Variants in AHI1 observed in about 807,000 individuals in gnomAD.
AHI1 encodes the protein Abelson helper integration site 1.
In AHI1, 123 loss-of-function variants were observed where a neutral mutation model predicts 149.3. That is an observed-to-expected ratio of 0.82 (90% confidence interval 0.71 to 0.96). AHI1 has a LOEUF of 0.96. AHI1 is among the 40% of genes least tolerant of loss of function. The pLI, the probability that AHI1 is intolerant of heterozygous loss-of-function variation, is 0.00. For missense variants in AHI1, 1,439 were observed against 1,422.7 expected (o/e 1.01, Z -0.18); for synonymous variants, 475 against 459.8 (o/e 1.03, Z -0.42).
chr6:135,470,680 C>T (rs919422573), intron 5 of AHI1, among the ~76,000 whole-genome samples: 2 of 151,642 alleles, frequency 1.3e-5, no homozygotes, highest in Admixed American at 6.6e-5. Flanking sequence ...ATGGATAAAA[C>T]GCAGGAACAG....
intron 23 of AHI1, among the ~76,000 whole-genome samples, chr6:135,385,552 T>A (rs568656522): frequency 1.3e-5 from 2 of 152,194 alleles, no homozygotes; most frequent in South Asian, 4.2e-4. Context: ...AGATTAGAGA[T>A]TTCAACAAAT....
At chr6:135,491,277 A>T (rs1018884745) in intron 4 of AHI1, among the ~76,000 whole-genome samples, 4 of 152,220 alleles carry the variant, frequency 2.6e-5, no homozygotes, top group African/African-American at 7.2e-5. Context: ...TATATGCCCT[A>T]CAGGGCTCCA....
intron 5 of AHI1, among the ~76,000 whole-genome samples, chr6:135,479,657 T>G (rs1483299172): frequency 1.3e-5 from 2 of 152,186 alleles, no homozygotes; most frequent in Non-Finnish European, 1.5e-5. Context: ...CTGTGGAATT[T>G]CGGGTTCATG....
At chr6:135,446,571 A>G (rs1164279096) in intron 13 of AHI1, among the ~76,000 whole-genome samples, 1 of 152,232 alleles carries the variant, frequency 6.6e-6, no homozygotes, top group Non-Finnish European at 1.5e-5. Context: ...TGCCCTTATA[A>G]GAAAAGACGC....
intron 24 of AHI1, among the ~76,000 whole-genome samples, chr6:135,323,844 A>C (rs1426722392): frequency 6.6e-6 from 1 of 152,208 alleles, no homozygotes; most frequent in East Asian, 1.9e-4. Context: ...GTTTTATATC[A>C]ACAACTTAAG....
At chr6:135,446,145 C>T (rs1232310171) in intron 13 of AHI1, among the ~76,000 whole-genome samples, 1 of 152,068 alleles carries the variant, frequency 6.6e-6, no homozygotes, top group African/African-American at 2.4e-5. Context: ...TGAATTGTGT[C>T]CTCTCTCCTC....
chr6:135,375,915 G>A (rs1165830392), intron 23 of AHI1, among the ~76,000 whole-genome samples: 1 of 152,058 alleles, frequency 6.6e-6, no homozygotes, highest in Non-Finnish European at 1.5e-5. Flanking sequence ...GACATTATAA[G>A]CACAGAAGTG....
intron 24 of AHI1, 130 bp downstream of exon 24, chr6:135,358,002 A>T: frequency 1.4e-6 from 1 of 725,154 alleles, no homozygotes; most frequent in East Asian, 2.7e-5. Flanking sequence ...ATTAATATGA[A>T]CAAATCTTGC....
intron 23 of AHI1, among the ~76,000 whole-genome samples, chr6:135,365,238 A>T (rs1412471590): frequency 6.6e-6 from 1 of 152,166 alleles, no homozygotes; most frequent in African/African-American, 2.4e-5. Context: ...AAGTTGGGTA[A>T]TGTGATGCCT....
intron 26 of AHI1, among the ~76,000 whole-genome samples, chr6:135,312,787 TGAA>T (rs1226707992): frequency 6.6e-6 from 1 of 152,202 alleles, no homozygotes; most frequent in Non-Finnish European, 1.5e-5. Flanking sequence ...TCCTGTAGAA[TGAA>T]GGAGTTGATC....
intron 5 of AHI1, 50 bp from the exon 6 acceptor site, chr6:135,467,684 T>C (rs1159171765): frequency 7.4e-7 from 1 of 1,349,316 alleles, no homozygotes; most frequent in Non-Finnish European, 1.0e-6. Flanking sequence ...ATTAGTTGTA[T>C]CAAGAAAAAC....
chr6:135,398,056 ATGTTTTTTT>A (rs1779484567), intron 22 of AHI1, among the ~76,000 whole-genome samples: 1 of 96,614 alleles, frequency 1.0e-5, no homozygotes, highest in African/African-American at 4.2e-5. Context: ...AATACCCAGG[ATGTTTTTTT>A]TTTTTTTTTT....
chr6:135,372,114 T>C (rs911987150), intron 23 of AHI1, among the ~76,000 whole-genome samples: 11 of 152,148 alleles, frequency 7.2e-5, no homozygotes, highest in Admixed American at 3.9e-4. Flanking sequence ...GGCTGTAACT[T>C]GCAACTGATG....
In AHI1 at chr6:135,411,610, T is replaced by C. The variant is rs537809631; in HGVS notation, c.2765-66A>G. 1.9e-5 allele frequency: 25 copies of C among 1,323,734 alleles called. No individual in the cohort carries two copies. In the South Asian group the frequency reaches 4.1e-4, roughly 22 times the overall value. The allele number at this position is 1,323,734 out of a possible 1,614,324, so 82.0% of individuals were successfully genotyped here. ...AAAGCATAATCAAGCCCTAAAACTG[T>C]AGCATTCAACAAATAATCAGAAACT... On this transcript the variant is annotated intron_variant, in intron 20 of 28. Transcript: ENST00000265602.
In AHI1 at chr6:135,294,196, T is replaced by G. The variant is rs191858378; in HGVS notation, c.3486-3671A>C. Among the ~76,000 whole-genome samples the G allele has an allele frequency of 2.7e-3, 417 of 151,858 alleles. 1 individual carries two copies. The highest frequency in any genetic ancestry group is 3.8e-3 in the Non-Finnish European group (259 of 67,934). On this transcript the variant is annotated intron_variant, in intron 27 of 28. Coordinates refer to ENST00000265602, the MANE Select transcript of AHI1 (RefSeq NM_001134831.2). ...AATAAATTAGCTGGGTGTGGTGGTGTGCACCTGTAATCCCAGCTACTCAGG... is the reference window on the plus strand; with the variant it reads ...AATAAATTAGCTGGGTGTGGTGGTGGGCACCTGTAATCCCAGCTACTCAGG...
intron 20 of AHI1, among the ~76,000 whole-genome samples, chr6:135,414,388 A>C (rs957309066): frequency 6.6e-6 from 1 of 152,248 alleles, no homozygotes; most frequent in Non-Finnish European, 1.5e-5. Context: ...TGGGTTAGGC[A>C]AAGATTTCTT....
At chr6:135,380,397 T>C (rs1023657453) in intron 23 of AHI1, among the ~76,000 whole-genome samples, 1 of 152,116 alleles carries the variant, frequency 6.6e-6, no homozygotes, top group South Asian at 2.1e-4. Flanking sequence ...TTAAAGTATA[T>C]AGGAGGATGT....
intron 23 of AHI1, among the ~76,000 whole-genome samples, chr6:135,369,301 T>C (rs1302337137): frequency 6.6e-6 from 1 of 152,198 alleles, no homozygotes; most frequent in Admixed American, 6.5e-5. Context: ...AGCTGCCCCC[T>C]CTAACAGGTC....
chr6:135,356,852 T>C (rs1365042021), intron 24 of AHI1, among the ~76,000 whole-genome samples: 1 of 152,148 alleles, frequency 6.6e-6, no homozygotes, highest in Non-Finnish European at 1.5e-5. Context: ...AAATCAATCA[T>C]AGGGATTTAT....
Sources: gnomAD v4.1 joint callset for allele counts (sites outside exome capture counted in the v4.1 genomes callset) on GRCh38, gnomAD v4.1.1 for gene constraint, MANE v1.5 for transcripts, NCBI Gene and HGNC (gene_info 2026-07-23, HGNC 2026-07-21) for gene names.